TSPAN9: variants seen among roughly 807,000 people sequenced by gnomAD.
TSPAN9 encodes the protein tetraspanin-9.
Under a neutral mutation model 31.0 loss-of-function variants are expected in TSPAN9, and 16 were observed. The ratio of observed to expected loss-of-function variants is 0.52; its 90% CI spans 0.35 to 0.78. The LOEUF (loss-of-function observed/expected upper bound fraction) is 0.78. Among genes scored for constraint, TSPAN9 ranks in the 30% least tolerant of loss-of-function variants. The pLI, the probability that TSPAN9 is intolerant of heterozygous loss-of-function variation, is 0.01. For missense variants in TSPAN9, 272 were observed against 312.5 expected, an observed-to-expected ratio of 0.87 and a Z score of 0.98; for synonymous variants, 145 against 121.6, an observed-to-expected ratio of 1.19 and a Z score of -1.27.
At chr12:3,081,264 G>C (rs1049103491) in intron 1 of TSPAN9, among the ~76,000 whole-genome samples, 2 of 152,168 alleles carry the variant, frequency 1.3e-5, no homozygotes, top group Admixed American at 1.3e-4. Flanking sequence ...TGAGGGCCCA[G>C]CCTGCAGTGG....
chr12:3,084,670 A>G (rs2098299526), intron 2 of TSPAN9, among the ~76,000 whole-genome samples: 1 of 152,238 alleles, frequency 6.6e-6, no homozygotes. Context: ...TCCACAACCA[A>G]TTTAACTTAA....
At chr12:3,202,919 C>A (rs1169056054) in intron 3 of TSPAN9, among the ~76,000 whole-genome samples, 1 of 152,208 alleles carries the variant, frequency 6.6e-6, no homozygotes, top group Non-Finnish European at 1.5e-5. Flanking sequence ...GCCTCCTGGT[C>A]CTGTGACCCA....
intron 3 of TSPAN9, among the ~76,000 whole-genome samples, chr12:3,224,330 T>A (rs2098386044): frequency 6.6e-6 from 1 of 152,356 alleles, no homozygotes; most frequent in East Asian, 1.9e-4. Flanking sequence ...GACACTGTGC[T>A]AGGCGCCCTC....
chr12:3,105,160 G>C (rs1248983678), intron 2 of TSPAN9, among the ~76,000 whole-genome samples: 1 of 152,202 alleles, frequency 6.6e-6, no homozygotes, highest in Non-Finnish European at 1.5e-5. Flanking sequence ...TTTGTGTTCA[G>C]ACAAGCCCTG....
chr12:3,204,266 C>T (rs976842872), intron 3 of TSPAN9, among the ~76,000 whole-genome samples: 2 of 152,230 alleles, frequency 1.3e-5, no homozygotes, highest in African/African-American at 4.8e-5. Flanking sequence ...CGCCACACCA[C>T]CCCGCCCCGT....
rs553263090 is a variant in TSPAN9 at position 3,210,594 on chromosome 12, G to A, written c.63+9338G>A. On this transcript the variant is annotated intron_variant, in intron 3 of 8. Transcript: ENST00000011898. ...TATTGCAAACAGTATGTAGCTTCCA[G>A]TTTATAGTTTGTCTTTTCACTTTCT... Among the ~76,000 whole-genome samples, 99 of 152,258 alleles carry A rather than the reference G, an allele frequency of 6.5e-4. 3 individuals carry two copies. In the Middle Eastern group the frequency reaches 0.01, roughly 16 times the overall value.
chr12:3,239,619 C>T (rs143908367), intron 3 of TSPAN9, among the ~76,000 whole-genome samples: 82 of 152,224 alleles, frequency 5.4e-4, no homozygotes, highest in African/African-American at 7.0e-4. Context: ...GTCTCTTTGC[C>T]GGGTCTGCTG....
intron 2 of TSPAN9, among the ~76,000 whole-genome samples, chr12:3,114,842 C>CAAAAAA (rs34841785): frequency 1.4e-5 from 1 of 73,776 alleles, no homozygotes; most frequent in Admixed American, 1.6e-4. Context: ...GGCTCCATCT[C>CAAAAAA]AAAAAAAAAA....
chr12:3,113,221 G>A (rs562226704), intron 2 of TSPAN9, among the ~76,000 whole-genome samples: 1 of 152,292 alleles, frequency 6.6e-6, no homozygotes, highest in Admixed American at 6.5e-5. Flanking sequence ...AAAGGGATGG[G>A]GTAAAGGCCT....
intron 2 of TSPAN9, among the ~76,000 whole-genome samples, chr12:3,190,253 C>T (rs1038884556): frequency 3.3e-5 from 5 of 152,184 alleles, no homozygotes; most frequent in Non-Finnish European, 5.9e-5. Context: ...AAGTCAGCAC[C>T]CTCTGTGGAG....
At chr12:3,191,837 A>G (rs957351668) in intron 2 of TSPAN9, among the ~76,000 whole-genome samples, 4 of 152,196 alleles carry the variant, frequency 2.6e-5, no homozygotes, top group African/African-American at 9.7e-5. Context: ...TGGATTTTCC[A>G]ATGATGGTGA....
chr12:3,243,778 T>C (rs981744050), intron 3 of TSPAN9, among the ~76,000 whole-genome samples: 7 of 152,164 alleles, frequency 4.6e-5, no homozygotes, highest in Non-Finnish European at 8.8e-5. Context: ...TCCTCTGATA[T>C]GGGGTGTCAG....
At chr12:3,108,992 G>A (rs988213032) in intron 2 of TSPAN9, among the ~76,000 whole-genome samples, 2 of 151,872 alleles carry the variant, frequency 1.3e-5, no homozygotes, top group East Asian at 1.9e-4. Flanking sequence ...CTGCAGTGCA[G>A]TGGCGCGATC....
chr12:3,101,559 A>G (rs1257410416), intron 2 of TSPAN9, among the ~76,000 whole-genome samples: 2 of 152,122 alleles, frequency 1.3e-5, no homozygotes, highest in African/African-American at 4.8e-5. Flanking sequence ...CACACCTGGA[A>G]TGTGCTCCTT....
chr12:3,228,807 T>A (rs1004004464), intron 3 of TSPAN9, among the ~76,000 whole-genome samples: 1 of 152,250 alleles, frequency 6.6e-6, no homozygotes, highest in African/African-American at 2.4e-5. Context: ...TATGTCACCA[T>A]TCTGGAGGCC....
chr12:3,227,970 C>T (rs1375146480), intron 3 of TSPAN9, among the ~76,000 whole-genome samples: 1 of 152,128 alleles, frequency 6.6e-6, no homozygotes, highest in Admixed American at 6.5e-5. Flanking sequence ...CCTTGTGGTC[C>T]TTTTCAAGGA....
At chr12:3,123,133 T>C (rs1243768997) in intron 2 of TSPAN9, among the ~76,000 whole-genome samples, 2 of 152,144 alleles carry the variant, frequency 1.3e-5, no homozygotes, top group African/African-American at 4.8e-5. Flanking sequence ...GGCTGGACAA[T>C]GCCACAGTGA....
intron 3 of TSPAN9, among the ~76,000 whole-genome samples, chr12:3,207,685 T>C (rs556309343): frequency 2.6e-5 from 4 of 152,258 alleles, no homozygotes; most frequent in Non-Finnish European, 5.9e-5. Context: ...GGAGAAGCCC[T>C]TGGGCAGGGG....
At position 3,281,212 on chromosome 12, in the gene TSPAN9, T is replaced by C. The variant is rs1862886183; in HGVS notation, c.447T>C (p.Gly149=). Residue 149 remains glycine, a synonymous_variant, in exon 7 of 9, where the codon GGT becomes GGC. Coordinates refer to ENST00000011898, the MANE Select transcript of TSPAN9 (RefSeq NM_006675.5). ...NIIQAEMRCC[G]VTDYTDWYPV... ...CTGCTGGCCAGATGCGATGCTGTGG[T>C]GTCACTGACTACACAGACTGGTACC... The C allele has an allele frequency of 6.4e-7, 1 of 1,551,016 alleles. No homozygotes were observed. Among genetic ancestry groups the C allele is most frequent in the Non-Finnish European group, 8.7e-7 (1 of 1,146,938 alleles).
Sources: allele counts gnomAD v4.1 joint callset (sites outside exome capture counted in the v4.1 genomes callset), GRCh38; gene constraint gnomAD v4.1.1; transcripts MANE v1.5; gene names NCBI Gene and HGNC (gene_info 2026-07-23, HGNC 2026-07-21).